Variants in CACHD1 observed in about 807,000 individuals in gnomAD.
CACHD1 encodes VWFA and cache domain-containing protein 1.
A neutral mutation model predicts 138.7 loss-of-function variants in CACHD1; 71 were observed. That is an observed-to-expected ratio of 0.51 (90% CI 0.42 to 0.62). The LOEUF is 0.62. CACHD1 is among the 20% of genes least tolerant of loss of function. CACHD1 has a pLI of 0.00. For missense variants in CACHD1, 1,389 were observed against 1,625.3 expected (o/e 0.85, Z 2.50); for synonymous variants, 578 against 591.5 (o/e 0.98, Z 0.33).
chr1:64,681,544 T>G (rs973446266), intron 25 of CACHD1, among the ~76,000 whole-genome samples: 10 of 110,612 alleles, frequency 9.0e-5, no homozygotes, highest in South Asian at 2.8e-4. Flanking sequence ...TTATTGTGTT[T>G]TTTTTTTTTT....
chr1:64,556,710 G>C (rs74080419), intron 2 of CACHD1, among the ~76,000 whole-genome samples: 1 of 152,168 alleles, frequency 6.6e-6, no homozygotes, highest in Non-Finnish European at 1.5e-5. Context: ...CCTTCAGAGA[G>C]TGTGGGTCTA....
At chr1:64,513,952 G>A (rs1646440469) in intron 1 of CACHD1, among the ~76,000 whole-genome samples, 1 of 152,162 alleles carries the variant, frequency 6.6e-6, no homozygotes, top group Non-Finnish European at 1.5e-5. Flanking sequence ...CACCTATGCA[G>A]GTTAAATTAG....
At chr1:64,609,472 G>A (rs1436272128) in intron 4 of CACHD1, among the ~76,000 whole-genome samples, 1 of 152,138 alleles carries the variant, frequency 6.6e-6, no homozygotes, top group Non-Finnish European at 1.5e-5. Flanking sequence ...GTATACTTAT[G>A]TATATGCATA....
At chr1:64,644,659 A>G (rs1648845279) in intron 8 of CACHD1, among the ~76,000 whole-genome samples, 1 of 152,164 alleles carries the variant, frequency 6.6e-6, no homozygotes, top group African/African-American at 2.4e-5. Flanking sequence ...CCAGACACAC[A>G]TCCTCACTGC....
intron 2 of CACHD1, among the ~76,000 whole-genome samples, chr1:64,581,746 A>C (rs571193522): frequency 6.6e-6 from 1 of 152,252 alleles, no homozygotes; most frequent in African/African-American, 2.4e-5. Context: ...AAAACCGTGA[A>C]CCCAGAACCA....
In CACHD1 at chr1:64,560,624, A is replaced by T. The variant is rs372341301; in HGVS notation, c.261+9968A>T. Among the ~76,000 whole-genome samples the T allele has an allele frequency of 7.2e-5, 11 of 152,130 alleles. No individual in the cohort carries two copies. The East Asian group carries it at 1.9e-3, about 27-fold the overall frequency. On this transcript the variant is annotated intron_variant, in intron 2 of 26. Coordinates refer to ENST00000651257, the MANE Select transcript of CACHD1 (RefSeq NM_020925.4). Reference sequence around the variant, plus strand: ...CCTGGGTTTTATGGCTCTACATATGATCAGTCTTGGTGGATATACCAAGTG... The same window carrying T: ...CCTGGGTTTTATGGCTCTACATATGTTCAGTCTTGGTGGATATACCAAGTG...
chr1:64,577,937 C>T (rs1281798032), intron 2 of CACHD1, among the ~76,000 whole-genome samples: 1 of 152,256 alleles, frequency 6.6e-6, no homozygotes, highest in South Asian at 2.1e-4. Flanking sequence ...CATTCTACCC[C>T]GATCCCCCAG....
At chr1:64,480,621 A>G (rs1219633505) in intron 1 of CACHD1, among the ~76,000 whole-genome samples, 1 of 152,160 alleles carries the variant, frequency 6.6e-6, no homozygotes, top group African/African-American at 2.4e-5. Context: ...GTGCAAAGGT[A>G]AGTGGTCAAT....
At chr1:64,593,627 T>C (rs1226982119) in intron 3 of CACHD1, among the ~76,000 whole-genome samples, 2 of 152,196 alleles carry the variant, frequency 1.3e-5, no homozygotes, top group African/African-American at 4.8e-5. Context: ...CAAGTCTTAG[T>C]CTTTCAAGTC....
intron 16 of CACHD1, among the ~76,000 whole-genome samples, chr1:64,669,382 A>G (rs1398751794): frequency 6.6e-6 from 1 of 152,224 alleles, no homozygotes; most frequent in Non-Finnish European, 1.5e-5. Flanking sequence ...AGCTTAAGCT[A>G]ATCTTCAGCT....
At chr1:64,565,616 G>A (rs1048068509) in intron 2 of CACHD1, among the ~76,000 whole-genome samples, 5 of 152,166 alleles carry the variant, frequency 3.3e-5, no homozygotes, top group African/African-American at 1.2e-4. Context: ...TCAAATCATT[G>A]TATTCCCTGT....
At chr1:64,623,074 A>G (rs976920138) in intron 4 of CACHD1, among the ~76,000 whole-genome samples, 1 of 152,186 alleles carries the variant, frequency 6.6e-6, no homozygotes, top group Non-Finnish European at 1.5e-5. Context: ...CATTGCTTCT[A>G]TATTGATGTC....
At chr1:64,687,855 A>T (rs1650416551) in intron 26 of CACHD1, among the ~76,000 whole-genome samples, 1 of 152,114 alleles carries the variant, frequency 6.6e-6, no homozygotes, top group Admixed American at 6.5e-5. Flanking sequence ...AATACTAGGG[A>T]TACAAAGATA....
chr1:64,646,841 A>G (rs942684454), intron 8 of CACHD1, among the ~76,000 whole-genome samples: 1 of 152,214 alleles, frequency 6.6e-6, no homozygotes, highest in African/African-American at 2.4e-5. Context: ...TAGAAATGCT[A>G]AAGACATATG....
At chr1:64,623,270 C>T (rs1163411392) in intron 4 of CACHD1, among the ~76,000 whole-genome samples, 2 of 151,828 alleles carry the variant, frequency 1.3e-5, no homozygotes, top group Non-Finnish European at 2.9e-5. Context: ...GGCATGGTGA[C>T]GGGTACCTAT....
At chr1:64,683,836 G>C (rs1650268662) in intron 26 of CACHD1, among the ~76,000 whole-genome samples, 1 of 152,140 alleles carries the variant, frequency 6.6e-6, no homozygotes, top group Non-Finnish European at 1.5e-5. Flanking sequence ...ACCAGTACGT[G>C]GGTCACTAAA....
chr1:64,579,676 T>A (rs1170470088), intron 2 of CACHD1, among the ~76,000 whole-genome samples: 1 of 152,112 alleles, frequency 6.6e-6, no homozygotes, highest in Admixed American at 6.6e-5. Context: ...AAAATAAGTA[T>A]GTTTTAAAAG....
intron 1 of CACHD1, among the ~76,000 whole-genome samples, chr1:64,549,790 T>A (rs922793282): frequency 5.0e-5 from 7 of 140,396 alleles, no homozygotes; most frequent in African/African-American, 1.9e-4. Flanking sequence ...GCTGCTGCTC[T>A]TTTTATTTTT....
intron 2 of CACHD1, among the ~76,000 whole-genome samples, chr1:64,557,280 G>C (rs1316528518): frequency 6.6e-6 from 1 of 152,112 alleles, no homozygotes; most frequent in African/African-American, 2.4e-5. Flanking sequence ...AGCTTCTTGG[G>C]GGGCTTGATT....
Sources: allele counts gnomAD v4.1 joint callset (sites outside exome capture counted in the v4.1 genomes callset), GRCh38; gene constraint gnomAD v4.1.1; transcripts MANE v1.5; gene names NCBI Gene and HGNC (gene_info 2026-07-23, HGNC 2026-07-21).